CTDP1: variants seen among roughly 807,000 people sequenced by gnomAD.
CTDP1 encodes RNA polymerase II subunit A C-terminal domain phosphatase.
Under a neutral mutation model 91.8 loss-of-function variants are expected in CTDP1, and 47 were observed. The ratio of observed to expected loss-of-function variants is 0.51; its 90% CI spans 0.41 to 0.65. The LOEUF (loss-of-function observed/expected upper bound fraction) is 0.65. Ranked by LOEUF, CTDP1 falls within the 30% of genes least tolerant of loss-of-function variation. CTDP1 has a pLI of 0.00. For synonymous variants in CTDP1, 656 were observed against 598.5 expected (o/e 1.10, Z -1.40); for missense variants, 1,272 against 1,373.7 (o/e 0.93, Z 1.17).
intron 12 of CTDP1, among the ~76,000 whole-genome samples, chr18:79,741,227 T>C (rs55846819): frequency 0.13 from 18,895 of 143,144 alleles, 1,532 homozygotes; most frequent in Non-Finnish European, 0.19. Context: ...GTCCCCCGTG[T>C]GGTTGATCTG....
intron 10 of CTDP1, among the ~76,000 whole-genome samples, chr18:79,718,858 C>A (rs2086273882): frequency 6.6e-6 from 1 of 152,158 alleles, no homozygotes; most frequent in Non-Finnish European, 1.5e-5. Context: ...CACCTCAGAT[C>A]CTGTGACGGG....
At chr18:79,696,778 G>T (rs1449563197) in intron 3 of CTDP1, among the ~76,000 whole-genome samples, 1 of 152,186 alleles carries the variant, frequency 6.6e-6, no homozygotes, top group Non-Finnish European at 1.5e-5. Flanking sequence ...TGTATTTCAG[G>T]AGTTGCTGGG....
intron 1 of CTDP1, among the ~76,000 whole-genome samples, chr18:79,688,795 C>G (rs2085561181): frequency 6.6e-6 from 1 of 152,146 alleles, no homozygotes; most frequent in South Asian, 2.1e-4. Flanking sequence ...CTGCCTCAGC[C>G]TCGCTAAGTG....
rs1033195782 is a variant in CTDP1, at chr18:79,753,779, G to A, written c.2875G>A (p.Asp959Asn). Reference protein sequence around the residue: ...MAKALEAELNDLM With the variant: ...MAKALEAELNNLM The stretch of plus-strand genomic sequence containing the variant: ...CAAGGCGCTGGAGGCGGAGCTCAAC[G>A]ACCTCATGTGAGCGCGGGCAGCGGG... The change falls in exon 13 of 13, where the codon GAC becomes AAC. Residue 959 changes from aspartate (D) to asparagine (N), a missense_variant. Around this residue, in one of 3 missense-constraint regions of CTDP1, gnomAD observed 881 missense variants for 911.6 expected, o/e 0.97. Transcript: ENST00000613122. The A allele has an allele frequency of 6.8e-6, 11 of 1,613,284 alleles. No homozygotes were observed. Among genetic ancestry groups the A allele is most frequent in the South Asian group, 1.1e-5 (1 of 91,040 alleles).
rs539550803 is a variant in CTDP1, at chr18:79,717,441, C to T, written c.2069-94C>T. Reference sequence around the variant, plus strand: ...GAGGGCCCTGAGCCCTGGTGGGGTACAGCCAGGTGAGGGCCCTGGTGGGTG... The same window carrying T: ...GAGGGCCCTGAGCCCTGGTGGGGTATAGCCAGGTGAGGGCCCTGGTGGGTG... On this transcript the variant is annotated intron_variant, in intron 8 of 12. Transcript: ENST00000613122. 1.0e-5 allele frequency: 16 copies of T among 1,565,810 alleles called. No homozygotes were observed. The East Asian group carries it at 3.2e-4, about 31-fold the overall frequency.
At chr18:79,743,855 T>A (rs2086829902) in intron 12 of CTDP1, among the ~76,000 whole-genome samples, 1 of 152,206 alleles carries the variant, frequency 6.6e-6, no homozygotes, top group South Asian at 2.1e-4. Context: ...GGATAAACCT[T>A]GGGCCCCACC....
intron 6 of CTDP1, 42 bp downstream of exon 6, chr18:79,710,478 A>G (rs532020954): frequency 3.6e-6 from 5 of 1,390,198 alleles, no homozygotes; most frequent in Middle Eastern, 1.8e-4. Flanking sequence ...CTCGCTGTTC[A>G]TTTCCCATTT....
chr18:79,730,453 A>G (rs917441340), intron 11 of CTDP1, among the ~76,000 whole-genome samples: 2 of 41,398 alleles, frequency 4.8e-5, no homozygotes, highest in Admixed American at 2.3e-4. Context: ...CAGTGGTGAC[A>G]ACTGGTTCTT....
At chr18:79,717,733 G>A (rs1329426924) in intron 9 of CTDP1, 57 bp downstream of exon 9, 21 of 1,613,180 alleles carry the variant, frequency 1.3e-5, no homozygotes, top group Non-Finnish European at 1.8e-5. Flanking sequence ...CTGGACAGCT[G>A]TTGGTTCATG....
chr18:79,706,162 T>C (rs2122568033), intron 5 of CTDP1, among the ~76,000 whole-genome samples: 1 of 152,282 alleles, frequency 6.6e-6, no homozygotes, highest in South Asian at 2.1e-4. Context: ...CTGCGGGAAA[T>C]GCAGCAAGCC....
At chr18:79,681,400 G>A in intron 1 of CTDP1, 1 of 942,868 alleles carries the variant, frequency 1.1e-6, no homozygotes, top group Non-Finnish European at 1.3e-6. Context: ...GAGGATTGTG[G>A]AGGCAGATCC....
chr18:79,730,203 T>C (rs1429512923), intron 11 of CTDP1, among the ~76,000 whole-genome samples: 1 of 152,218 alleles, frequency 6.6e-6, no homozygotes, highest in Non-Finnish European at 1.5e-5. Flanking sequence ...TTCACAAAAA[T>C]GTTTTCTCTA....
At position 79,723,775 on chromosome 18, in the gene CTDP1, G is replaced by A. The variant is rs530511066; in HGVS notation, c.2418-5132G>A. 2.0e-5 allele frequency among the ~76,000 whole-genome samples: 3 copies of A among 152,246 alleles called. No homozygotes were observed. In the South Asian group the frequency reaches 6.2e-4, roughly 32 times the overall value. On this transcript the variant is annotated intron_variant, in intron 10 of 12. Transcript: ENST00000613122. ...TCCCCTGCGGCCCTTCATGGCCTCA[G>A]CCGCTTCCCCTTCCCTGACCCTTGG...
At position 79,695,166 on chromosome 18, in the gene CTDP1, G is replaced by T. The variant is rs1426259015; in HGVS notation, c.315-59G>T. The T allele has an allele frequency of 2.0e-6, 3 of 1,484,168 alleles. No individual in the cohort carries two copies. The African/African-American group carries it at 4.2e-5, about 21-fold the overall frequency. The allele number at this position is 1,484,168 out of a possible 1,614,324, so 91.9% of individuals were successfully genotyped here. ...CCTAGATTTTAAAATTCTTACTTGG[G>T]GGCTCTTTTGATAAACCAAGAGATT... On this transcript the variant is annotated intron_variant, in intron 1 of 12. Coordinates refer to ENST00000613122, the MANE Select transcript of CTDP1 (RefSeq NM_004715.5).
intron 5 of CTDP1, among the ~76,000 whole-genome samples, chr18:79,706,028 A>T (rs550176499): frequency 6.6e-6 from 1 of 152,188 alleles, no homozygotes; most frequent in East Asian, 1.9e-4. Flanking sequence ...ACAGCCCCCA[A>T]GTCCATGTGT....
At chr18:79,695,530 G>T (rs977310131) in intron 2 of CTDP1, among the ~76,000 whole-genome samples, 7 of 152,094 alleles carry the variant, frequency 4.6e-5, no homozygotes, top group Non-Finnish European at 1.5e-5. Context: ...CAGGTGTGGT[G>T]GGGGGGCATG....
At chr18:79,719,871 C>A (rs1443839041) in intron 10 of CTDP1, among the ~76,000 whole-genome samples, 1 of 145,930 alleles carries the variant, frequency 6.9e-6, no homozygotes, top group African/African-American at 2.6e-5. Flanking sequence ...CTGTCACCTC[C>A]CATTAGGAAG....
intron 1 of CTDP1, chr18:79,685,398 A>G (rs547840025): frequency 6.6e-6 from 1 of 152,294 alleles, no homozygotes; most frequent in Admixed American, 6.5e-5. Flanking sequence ...AAGGTACCTA[A>G]AATGATCTGG....
intron 1 of CTDP1, among the ~76,000 whole-genome samples, chr18:79,687,918 T>C (rs1376580819): frequency 6.6e-6 from 1 of 152,216 alleles, no homozygotes; most frequent in East Asian, 1.9e-4. Flanking sequence ...TGAGACGTGC[T>C]GGGAACTGGT....
Sources: gnomAD v4.1 joint callset for allele counts (sites outside exome capture counted in the v4.1 genomes callset) on GRCh38, gnomAD v4.1.1 for gene constraint, gnomAD v4.1.1 regional missense constraint, MANE v1.5 for transcripts, NCBI Gene and HGNC (gene_info 2026-07-23, HGNC 2026-07-21) for gene names.